INTS4: variants seen among roughly 807,000 people sequenced by gnomAD.
INTS4 encodes the protein MSTP093.
INTS4 carries 70 observed loss-of-function variants against 119.5 expected under a neutral mutation model. The observed-to-expected ratio is 0.59, with a 90% CI of 0.48 to 0.71. INTS4 has a LOEUF of 0.71. Ranked by LOEUF, INTS4 falls within the 30% of genes least tolerant of loss-of-function variation. The pLI is 0.00. For synonymous variants in INTS4, 316 were observed against 419.6 expected (o/e 0.75, Z 3.02); for missense variants, 867 against 1,173.2 (o/e 0.74, Z 3.81).
chr11:77,955,276 G>T (rs543859158), intron 8 of INTS4, among the ~76,000 whole-genome samples: 3 of 152,308 alleles, frequency 2.0e-5, no homozygotes, highest in African/African-American at 7.2e-5. Flanking sequence ...GGTCAAGGCT[G>T]CAGTGAGCCG....
At chr11:77,994,098 T>G (rs1198281077) in intron 1 of INTS4, among the ~76,000 whole-genome samples, 3 of 152,100 alleles carry the variant, frequency 2.0e-5, no homozygotes, top group Non-Finnish European at 4.4e-5. Context: ...CTGCTTAGAC[T>G]GCGCCTGAAG....
chr11:77,962,356 G>A (rs1274300437), intron 4 of INTS4, among the ~76,000 whole-genome samples: 5 of 152,188 alleles, frequency 3.3e-5, no homozygotes, highest in Admixed American at 3.3e-4. Context: ...TGCTGCATAA[G>A]TGTTCTAGAT....
intron 21 of INTS4, among the ~76,000 whole-genome samples, chr11:77,885,225 C>A (rs889079434): frequency 1.3e-5 from 2 of 152,004 alleles, no homozygotes. Flanking sequence ...TTACAGGCGC[C>A]CACCGTCATG....
intron 10 of INTS4, among the ~76,000 whole-genome samples, chr11:77,935,905 A>AAAAG (rs1953779041): frequency 7.1e-6 from 1 of 141,676 alleles, no homozygotes; most frequent in African/African-American, 2.7e-5. Flanking sequence ...CAAAAAAAAA[A>AAAAG]AAAAGAAAAG....
chr11:77,955,860 C>T, intron 8 of INTS4, 82 bp downstream of exon 8: 1 of 1,377,334 alleles, frequency 7.3e-7, no homozygotes, highest in Non-Finnish European at 1.0e-6. Context: ...TGAGACCAAC[C>T]TGGGCCACAC....
At chr11:77,902,810 A>C (rs1490012553) in intron 17 of INTS4, among the ~76,000 whole-genome samples, 1 of 152,208 alleles carries the variant, frequency 6.6e-6, no homozygotes, top group South Asian at 2.1e-4. Flanking sequence ...AGCTAAAAAG[A>C]AATAAACTAG....
chr11:77,976,152 T>C (rs72941334), intron 4 of INTS4, among the ~76,000 whole-genome samples: 19,819 of 152,140 alleles, frequency 0.13, 1,474 homozygotes, highest in East Asian at 0.25. Context: ...ATTTTCCACA[T>C]ACCAAATTAA....
intron 18 of INTS4, among the ~76,000 whole-genome samples, chr11:77,899,405 C>T (rs1161675391): frequency 1.3e-5 from 2 of 152,030 alleles, no homozygotes. Flanking sequence ...GGCTCGGTGG[C>T]TCACGCCTGT....
At position 77,878,767 on chromosome 11, in the gene INTS4, T is replaced by C. The variant is rs1177949076; in HGVS notation, c.*182A>G. On this transcript the variant is annotated 3_prime_UTR_variant, in exon 23 of 23. Transcript: ENST00000534064. ...GTGGACAGGAGAAGGGTAAGTAGAC[T>C]TGAAGGTTTTTTATTTTTTAATGAA... The C allele has an allele frequency of 1.4e-6, 1 of 692,642 alleles. No homozygotes were observed. Among genetic ancestry groups the C allele is most frequent in the African/African-American group, 1.8e-5 (1 of 55,838 alleles). 42.9% of individuals were successfully genotyped at this position (692,642 alleles called of 1,614,324 possible). A position where few individuals can be genotyped will look rare whatever the true frequency, so the allele number is the denominator to read the frequency against.
intron 14 of INTS4, among the ~76,000 whole-genome samples, chr11:77,919,209 G>A (rs1431153118): frequency 6.6e-6 from 1 of 151,968 alleles, no homozygotes; most frequent in Non-Finnish European, 1.5e-5. Context: ...GCTGCCAGGA[G>A]AAAAACAGAA....
At position 77,973,598 on chromosome 11, in the gene INTS4, A is replaced by C. The variant is rs151188673; in HGVS notation, c.471+5398T>G. Among the ~76,000 whole-genome samples the C allele has an allele frequency of 6.6e-4, 100 of 152,134 alleles. 2 individuals are homozygous for C. The East Asian group carries it at 0.013, about 20-fold the overall frequency. ...TTACAAGGGTCAGGAAGTTCCATCTATTCCTGACCTATTCTATCCTAAAGC... is the reference window on the plus strand; with the variant it reads ...TTACAAGGGTCAGGAAGTTCCATCTCTTCCTGACCTATTCTATCCTAAAGC... On this transcript the variant is annotated intron_variant, in intron 4 of 22. Transcript: ENST00000534064.
intron 17 of INTS4, among the ~76,000 whole-genome samples, chr11:77,902,958 C>T (rs1200545518): frequency 6.6e-6 from 1 of 152,186 alleles, no homozygotes; most frequent in East Asian, 1.9e-4. Flanking sequence ...ATAGTAGAGA[C>T]AGCGTTTCAC....
At chr11:77,890,536 T>C (rs1952216609) in intron 21 of INTS4, among the ~76,000 whole-genome samples, 1 of 151,946 alleles carries the variant, frequency 6.6e-6, no homozygotes, top group Non-Finnish European at 1.5e-5. Flanking sequence ...TAGAGGTGCT[T>C]TGAAAGGGTT....
At chr11:77,980,985 T>A (rs1380240441) in intron 3 of INTS4, among the ~76,000 whole-genome samples, 1 of 149,694 alleles carries the variant, frequency 6.7e-6, no homozygotes, top group African/African-American at 2.5e-5. Context: ...AGAGCGAGAC[T>A]CCGTTAAAAA....
intron 17 of INTS4, 35 bp from the exon 18 acceptor site, chr11:77,901,586 T>C (rs544756264): frequency 1.0e-5 from 15 of 1,506,114 alleles, no homozygotes; most frequent in South Asian, 2.3e-5. Flanking sequence ...TCAATAAAAA[T>C]ATCATAGTCT....
downstream of INTS4, among the ~76,000 whole-genome samples, chr11:77,878,521 C>T (rs976935907): frequency 1.3e-5 from 2 of 151,944 alleles, no homozygotes; most frequent in African/African-American, 4.8e-5. Flanking sequence ...AAAAAAAGTA[C>T]AGCTGTTAAA....
intron 4 of INTS4, among the ~76,000 whole-genome samples, chr11:77,973,312 C>T (rs1322665574): frequency 6.6e-6 from 1 of 152,070 alleles, no homozygotes; most frequent in Non-Finnish European, 1.5e-5. Flanking sequence ...TAGTGGATTC[C>T]CTAAGATTTT....
intron 4 of INTS4, among the ~76,000 whole-genome samples, chr11:77,967,598 A>G (rs1317552803): frequency 6.6e-6 from 1 of 152,196 alleles, no homozygotes; most frequent in Non-Finnish European, 1.5e-5. Context: ...ACACCACCTA[A>G]GCCAAGTATC....
rs111331451 is a variant in INTS4 at position 77,910,867 on chromosome 11, G to A, written c.1923-3057C>T. ...TTAGGGGAGGAATGTGAGTGTGTGT[G>A]TGTTTGTGTATTACCTAACCATCTC... On this transcript the variant is annotated intron_variant, in intron 15 of 22. Coordinates refer to ENST00000534064, the MANE Select transcript of INTS4 (RefSeq NM_033547.4). 1.8e-3 allele frequency: 838 copies of A among 468,706 alleles called. 12 individuals are homozygous for A. Among genetic ancestry groups the A allele is most frequent in the African/African-American group, 0.015 (751 of 49,396 alleles). 29.0% of individuals were successfully genotyped at this position (468,706 alleles called of 1,614,324 possible). A position where few individuals can be genotyped will look rare whatever the true frequency, so the allele number is the denominator to read the frequency against.
Sources: allele counts gnomAD v4.1 joint callset (sites outside exome capture counted in the v4.1 genomes callset), GRCh38; gene constraint gnomAD v4.1.1; transcripts MANE v1.5; gene names NCBI Gene and HGNC (gene_info 2026-07-23, HGNC 2026-07-21).